CFAP299: variants seen among roughly 807,000 people sequenced by gnomAD.
CFAP299 encodes cilia- and flagella-associated protein 299.
Under a neutral mutation model 27.0 loss-of-function variants are expected in CFAP299, and 21 were observed. That is an observed-to-expected ratio of 0.78 (90% CI 0.55 to 1.12). CFAP299 has a LOEUF of 1.12. Ranked by LOEUF, CFAP299 falls within the 50% of genes most tolerant of loss-of-function variation. CFAP299 has a pLI of 0.00. For missense variants in CFAP299, 310 were observed against 276.6 expected (o/e 1.12, Z -0.86); for synonymous variants, 104 against 98.1 (o/e 1.06, Z -0.36).
intron 4 of CFAP299, among the ~76,000 whole-genome samples, chr4:80,919,900 G>A (rs372666518): frequency 4.6e-5 from 7 of 152,018 alleles, no homozygotes; most frequent in African/African-American, 1.7e-4. Flanking sequence ...GTATATATGG[G>A]TTTGCTTGGA....
intron 2 of CFAP299, among the ~76,000 whole-genome samples, chr4:80,488,921 C>T (rs1730973906): frequency 6.6e-6 from 1 of 152,202 alleles, no homozygotes; most frequent in African/African-American, 2.4e-5. Context: ...TACTATAACA[C>T]ATGCTCTTTC....
At chr4:80,516,017 C>CTTTTT (rs34249511) in intron 2 of CFAP299, among the ~76,000 whole-genome samples, 21 of 119,494 alleles carry the variant, frequency 1.8e-4, no homozygotes, top group Non-Finnish European at 2.6e-4. Flanking sequence ...TTCTGCATTT[C>CTTTTT]TTTTTTTTTT....
At chr4:80,886,011 C>T (rs985534789) in intron 4 of CFAP299, among the ~76,000 whole-genome samples, 7 of 152,088 alleles carry the variant, frequency 4.6e-5, no homozygotes, top group Non-Finnish European at 7.4e-5. Context: ...GTAACATTCA[C>T]CACAAGCTGA....
intron 2 of CFAP299, among the ~76,000 whole-genome samples, chr4:80,374,099 C>T (rs865834797): frequency 2.0e-5 from 3 of 152,096 alleles, no homozygotes; most frequent in Non-Finnish European, 2.9e-5. Flanking sequence ...CTTGGAGTCA[C>T]GCTAGCAGAG....
chr4:80,819,117 C>T (rs571136261), intron 3 of CFAP299, among the ~76,000 whole-genome samples: 8 of 151,974 alleles, frequency 5.3e-5, no homozygotes, highest in African/African-American at 9.7e-5. Context: ...AGCAAGAGAA[C>T]GCTGGAAGTG....
At chr4:80,801,110 A>G (rs1443547646) in intron 3 of CFAP299, among the ~76,000 whole-genome samples, 1 of 151,654 alleles carries the variant, frequency 6.6e-6, no homozygotes, top group Non-Finnish European at 1.5e-5. Flanking sequence ...ACACCCTCAC[A>G]GACACACCCA....
intron 1 of CFAP299, among the ~76,000 whole-genome samples, chr4:80,336,878 C>A (rs1378248180): frequency 1.3e-5 from 2 of 152,182 alleles, no homozygotes; most frequent in African/African-American, 2.4e-5. Context: ...GCCACCAGCT[C>A]CCCACACTTC....
intron 2 of CFAP299, among the ~76,000 whole-genome samples, chr4:80,394,327 T>A (rs1471165491): frequency 4.6e-5 from 7 of 152,172 alleles, no homozygotes; most frequent in Admixed American, 4.6e-4. Context: ...TTATACATTT[T>A]GAATATTAAC....
chr4:80,408,977 A>G (rs1726572570), intron 2 of CFAP299, among the ~76,000 whole-genome samples: 1 of 149,066 alleles, frequency 6.7e-6, no homozygotes, highest in Admixed American at 6.8e-5. Flanking sequence ...GCTACTTGGG[A>G]GGCTGGGGTG....
chr4:80,432,801 T>G (rs1702979511), intron 2 of CFAP299, among the ~76,000 whole-genome samples: 1 of 151,978 alleles, frequency 6.6e-6, no homozygotes, highest in South Asian at 2.1e-4. Context: ...GGATTACAGG[T>G]GTGAGCCACC....
At chr4:80,437,100 T>C (rs1478798204) in intron 2 of CFAP299, among the ~76,000 whole-genome samples, 1 of 152,178 alleles carries the variant, frequency 6.6e-6, no homozygotes, top group African/African-American at 2.4e-5. Context: ...AGTTAGATAA[T>C]AACCAGATAA....
chr4:80,845,354 C>G (rs1578176810), intron 3 of CFAP299, among the ~76,000 whole-genome samples: 1 of 151,516 alleles, frequency 6.6e-6, no homozygotes, highest in Non-Finnish European at 1.5e-5. Flanking sequence ...CATTCTGTTG[C>G]ATAAAACTGT....
At chr4:80,723,840 A>G (rs1460700560) in intron 3 of CFAP299, among the ~76,000 whole-genome samples, 1 of 152,130 alleles carries the variant, frequency 6.6e-6, no homozygotes. Context: ...GTAAAGATTA[A>G]TGAGGTAGAC....
intron 4 of CFAP299, among the ~76,000 whole-genome samples, chr4:80,881,093 A>G (rs1433586300): frequency 6.6e-6 from 1 of 152,172 alleles, no homozygotes; most frequent in Non-Finnish European, 1.5e-5. Flanking sequence ...CTGAGGTTGT[A>G]TCTCTAGGAG....
At chr4:80,746,530 A>G (rs974399540) in intron 3 of CFAP299, among the ~76,000 whole-genome samples, 1 of 152,044 alleles carries the variant, frequency 6.6e-6, no homozygotes, top group African/African-American at 2.4e-5. Flanking sequence ...TAAACAATCT[A>G]TTCTGGTTTT....
At chr4:80,882,192 C>T (rs1733738013) in intron 4 of CFAP299, among the ~76,000 whole-genome samples, 1 of 151,948 alleles carries the variant, frequency 6.6e-6, no homozygotes, top group African/African-American at 2.4e-5. Context: ...TGATTTAAAG[C>T]AATAATGATG....
chr4:80,467,953 T>C (rs1729790232), intron 2 of CFAP299, among the ~76,000 whole-genome samples: 1 of 152,166 alleles, frequency 6.6e-6, no homozygotes, highest in Non-Finnish European at 1.5e-5. Flanking sequence ...TAGGGAAAAC[T>C]ATCCCCATAA....
intron 3 of CFAP299, among the ~76,000 whole-genome samples, chr4:80,794,826 G>A (rs1343161551): frequency 6.6e-6 from 1 of 152,202 alleles, no homozygotes; most frequent in East Asian, 1.9e-4. Flanking sequence ...GAGGTCAAGT[G>A]TAATCAACCT....
chr4:80,882,730 A>G (rs1359701433), intron 4 of CFAP299, among the ~76,000 whole-genome samples: 5 of 152,178 alleles, frequency 3.3e-5, no homozygotes, highest in Admixed American at 6.5e-5. Context: ...ACCTCTCAGC[A>G]GAAACTTTGT....
Sources: gnomAD v4.1 joint callset for allele counts (sites outside exome capture counted in the v4.1 genomes callset) on GRCh38, gnomAD v4.1.1 for gene constraint, MANE v1.5 for transcripts, NCBI Gene and HGNC (gene_info 2026-07-23, HGNC 2026-07-21) for gene names.